Variants in PHEX observed in about 807,000 individuals in gnomAD.
The protein encoded by PHEX is phosphate-regulating neutral endopeptidase PHEX.
PHEX carries 16 observed loss-of-function variants against 68.0 expected under a neutral mutation model. That is an observed-to-expected ratio of 0.24 (90% confidence interval 0.16 to 0.36). PHEX has a LOEUF of 0.36. PHEX is among the 10% of genes least tolerant of loss of function. PHEX has a pLI of 1.00. For missense variants in PHEX, 480 were observed against 575.5 expected (o/e 0.83, Z 1.70); for synonymous variants, 208 against 205.1 (o/e 1.01, Z -0.12).
Position 22,178,363 on chromosome X carries a change from G to A in PHEX, c.1573G>A (p.Val525Ile), listed in dbSNP as rs879138132. 17 of 1,180,069 alleles carry A rather than the reference G, an allele frequency of 1.4e-5. No homozygotes were observed. The highest frequency in any genetic ancestry group is 3.0e-5 in the East Asian group (1 of 33,258). Residue 525 changes from valine (V) to isoleucine (I), a missense_variant, in exon 14 of 22, where the codon GTT becomes ATT. Coordinates refer to ENST00000379374, the MANE Select transcript of PHEX (RefSeq NM_000444.6). ...TGATTTCTTCTGGCTAAGAAAAGCCGTTCCAAAAACAGAGTGAGTATTAAA... is the reference window on the plus strand; with the variant it reads ...TGATTTCTTCTGGCTAAGAAAAGCCATTCCAAAAACAGAGTGAGTATTAAA... Reference protein sequence around the residue: ...QSDFFWLRKAVPKTEWFTNPT... With the variant: ...QSDFFWLRKAIPKTEWFTNPT...
At chrX:22,146,672 C>A (rs1291854877) in intron 12 of PHEX, among the ~76,000 whole-genome samples, 1 of 110,105 alleles carries the variant, frequency 9.1e-6, no homozygotes, top group South Asian at 3.9e-4. Context: ...CAAAAATTAG[C>A]TGGACGTGTT....
At chrX:22,085,317 G>T (rs760656761) in intron 5 of PHEX, among the ~76,000 whole-genome samples, 5 of 111,310 alleles carry the variant, frequency 4.5e-5, no homozygotes, top group Non-Finnish European at 9.4e-5. Flanking sequence ...GCTCATGCCT[G>T]TAATCCCAGC....
Position 22,217,946 on chromosome X carries a change from C to T in PHEX, c.1701-1090C>T, listed in dbSNP as rs1353337036. ...AGCAACCATTTATTAGCTCATGATTCTGTAATTTGGGCAGGACTGAGCTGA... is the reference window on the plus strand; with the variant it reads ...AGCAACCATTTATTAGCTCATGATTTTGTAATTTGGGCAGGACTGAGCTGA... On this transcript the variant is annotated intron_variant, in intron 16 of 21. Coordinates refer to ENST00000379374, the MANE Select transcript of PHEX (RefSeq NM_000444.6). Among the ~76,000 whole-genome samples, 2 of 110,669 alleles carry T rather than the reference C, an allele frequency of 1.8e-5. 1 individual carries two copies. The highest frequency in any genetic ancestry group is 6.6e-5 in the African/African-American group (2 of 30,389).
chrX:22,234,768 C>T (rs1166416319), intron 20 of PHEX, among the ~76,000 whole-genome samples: 2 of 104,806 alleles, frequency 1.9e-5, no homozygotes, highest in African/African-American at 7.0e-5. Context: ...CCCCTTCTGA[C>T]GGGAGTGAAC....
chrX:22,079,211 C>T (rs761494154), intron 5 of PHEX, among the ~76,000 whole-genome samples: 2 of 111,702 alleles, frequency 1.8e-5, no homozygotes, highest in African/African-American at 6.5e-5. Context: ...TAATTGCAAA[C>T]GGTAGCCATT....
intron 20 of PHEX, among the ~76,000 whole-genome samples, chrX:22,234,319 G>A (rs1050961841): frequency 1.8e-5 from 2 of 112,730 alleles, no homozygotes; most frequent in South Asian, 3.6e-4. Context: ...CTCGACCACT[G>A]CGCTGGCTGT....
intron 3 of PHEX, among the ~76,000 whole-genome samples, chrX:22,067,158 C>T (rs780385415): frequency 4.5e-5 from 5 of 109,937 alleles, no homozygotes; most frequent in Middle Eastern, 4.7e-3. Context: ...AGGAGAATTG[C>T]TTGAGCCCAA....
chrX:22,225,995 T>C, intron 18 of PHEX, among the ~76,000 whole-genome samples: 1 of 111,968 alleles, frequency 8.9e-6, no homozygotes. Flanking sequence ...GAAGGTAAAA[T>C]GATGATAGTT....
Position 22,103,620 on chromosome X carries a change from C to T in PHEX, c.1079+4469C>T, listed in dbSNP as rs182104221. On this transcript the variant is annotated intron_variant, in intron 9 of 21. Coordinates refer to ENST00000379374, the MANE Select transcript of PHEX (RefSeq NM_000444.6). The stretch of plus-strand genomic sequence containing the variant: ...ATCTTCAGCTCTATCCAGGCTGCTG[C>T]GAATGCCATTATTTCCTTCCTGTTT... Among the ~76,000 whole-genome samples, 78 of 112,120 alleles carry T rather than the reference C, an allele frequency of 7.0e-4. 1 individual carries two copies. The highest frequency in any genetic ancestry group is 4.4e-3 in the Admixed American group (46 of 10,530).
chrX:22,133,479 A>T, intron 11 of PHEX, 44 bp from the exon 12 acceptor site: 1 of 1,055,871 alleles, frequency 9.5e-7, no homozygotes, highest in Non-Finnish European at 1.3e-6. Flanking sequence ...CCTCGACTGA[A>T]GCTTCTTGGC....
intron 15 of PHEX, among the ~76,000 whole-genome samples, chrX:22,211,892 T>G (rs763459891): frequency 9.0e-6 from 1 of 111,668 alleles, no homozygotes; most frequent in East Asian, 2.8e-4. Context: ...TATAAAACCA[T>G]TGGATCTCAT....
chrX:22,085,467 C>T (rs1182704994), intron 5 of PHEX, among the ~76,000 whole-genome samples: 2 of 107,358 alleles, frequency 1.9e-5, no homozygotes, highest in African/African-American at 6.8e-5. Flanking sequence ...CCCACCTACT[C>T]GGGAGGCTGA....
chrX:22,149,889 C>T (rs954689263), intron 12 of PHEX, among the ~76,000 whole-genome samples: 2 of 112,463 alleles, frequency 1.8e-5, no homozygotes, highest in African/African-American at 6.5e-5. Flanking sequence ...AAATAAGAAT[C>T]TCATCAGAGA....
chrX:22,105,318 T>C (rs188656205), intron 9 of PHEX, among the ~76,000 whole-genome samples: 1 of 112,407 alleles, frequency 8.9e-6, no homozygotes, highest in East Asian at 2.8e-4. Context: ...GATGCGGAGA[T>C]GGAGTTTTCC....
chrX:22,050,929 C>G (rs912196730), intron 3 of PHEX, among the ~76,000 whole-genome samples: 8 of 111,912 alleles, frequency 7.1e-5, no homozygotes, highest in Admixed American at 1.9e-4. Flanking sequence ...AAGAAGCTAG[C>G]ATTTTGTTTC....
At chrX:22,089,166 T>C (rs1448101492) in intron 5 of PHEX, among the ~76,000 whole-genome samples, 1 of 110,591 alleles carries the variant, frequency 9.0e-6, no homozygotes, top group Non-Finnish European at 1.9e-5. Context: ...GAATTACAGG[T>C]GCGTGCCGCC....
At chrX:22,238,196 C>A (rs994213660) in intron 20 of PHEX, among the ~76,000 whole-genome samples, 3 of 112,042 alleles carry the variant, frequency 2.7e-5, no homozygotes, top group African/African-American at 9.7e-5. Flanking sequence ...AGGATTGACA[C>A]AGAAGGCGGG....
intron 16 of PHEX, among the ~76,000 whole-genome samples, chrX:22,217,784 A>G (rs140180949): frequency 0.012 from 1,334 of 112,003 alleles, 20 homozygotes; most frequent in African/African-American, 0.041. Flanking sequence ...GGATGTAGCA[A>G]TGAACAAGTA....
chrX:22,228,317 C>T (rs1602413708), intron 20 of PHEX, among the ~76,000 whole-genome samples: 2 of 111,643 alleles, frequency 1.8e-5, no homozygotes, highest in African/African-American at 3.3e-5. Flanking sequence ...TAGTGAATGG[C>T]CTCACCGTGG....
Sources: gnomAD v4.1 joint callset for allele counts (sites outside exome capture counted in the v4.1 genomes callset) on GRCh38, gnomAD v4.1.1 for gene constraint, MANE v1.5 for transcripts, NCBI Gene and HGNC (gene_info 2026-07-23, HGNC 2026-07-21) for gene names.